Variants in UPP2 observed in about 807,000 individuals in gnomAD.
UPP2 encodes the protein UPase 2.
In UPP2, 23 loss-of-function variants were observed where a neutral mutation model predicts 26.7. That is an observed-to-expected ratio of 0.86 (90% CI 0.62 to 1.22). UPP2 has a LOEUF of 1.22. Among genes scored for constraint, UPP2 ranks in the 50% most tolerant of loss-of-function variants. The pLI, the probability that UPP2 is intolerant of heterozygous loss-of-function variation, is 0.00. For synonymous variants in UPP2, 127 were observed against 141.3 expected, an observed-to-expected ratio of 0.90 and a Z score of 0.72; for missense variants, 387 against 396.7, an observed-to-expected ratio of 0.98 and a Z score of 0.21.
intron 3 of UPP2, among the ~76,000 whole-genome samples, chr2:158,039,606 CA>C (rs1684056871): frequency 6.6e-6 from 1 of 152,170 alleles, no homozygotes; most frequent in African/African-American, 2.4e-5. Flanking sequence ...CTCAGTGTCC[CA>C]ACTAAGGCTT....
chr2:158,029,745 G>C (rs934536041), intron 3 of UPP2, among the ~76,000 whole-genome samples: 1 of 150,292 alleles, frequency 6.7e-6, no homozygotes, highest in Non-Finnish European at 1.5e-5. Flanking sequence ...ATAAATAGAG[G>C]TATTATTCAA....
At chr2:158,051,157 ATGTGTGTGTGTGTGTGTGTGTGTGTGTG>A (rs57745839) in intron 3 of UPP2, among the ~76,000 whole-genome samples, 352 of 145,078 alleles carry the variant, frequency 2.4e-3, no homozygotes, top group African/African-American at 7.2e-3. Flanking sequence ...CTCTAGGAAT[ATGTGTGTGTGTGTGTGTGTGTGTGTGTG>A]TGTGTGTGTG....
At chr2:158,067,370 C>CA (rs113444405) in intron 3 of UPP2, among the ~76,000 whole-genome samples, 6,658 of 108,702 alleles carry the variant, frequency 0.061, 320 homozygotes, top group African/African-American at 0.14. Context: ...CATTTATCAT[C>CA]AAAAAAAAAA....
chr2:158,028,002 A>G (rs1331740437), intron 3 of UPP2, among the ~76,000 whole-genome samples: 1 of 152,158 alleles, frequency 6.6e-6, no homozygotes, highest in African/African-American at 2.4e-5. Flanking sequence ...AGGCCCACGA[A>G]ACCATTTTCT....
chr2:158,133,561 AAT>A (rs1683868825), intron 6 of UPP2: 1 of 152,192 alleles, frequency 6.6e-6, no homozygotes, highest in Non-Finnish European at 1.5e-5. Flanking sequence ...TAGATATGTG[AAT>A]TAGGCTAATT....
intron 2 of UPP2, among the ~76,000 whole-genome samples, chr2:158,015,488 G>A (rs1235302223): frequency 6.6e-6 from 1 of 152,134 alleles, no homozygotes; most frequent in East Asian, 1.9e-4. Flanking sequence ...TTCATCTGTT[G>A]TTGGATATCT....
At chr2:158,118,032 G>T (rs1332817669) in intron 4 of UPP2, 94 bp downstream of exon 4, 4 of 1,002,546 alleles carry the variant, frequency 4.0e-6, no homozygotes, top group Non-Finnish European at 6.1e-6. Context: ...CCCAGCAAAA[G>T]CCCAGATGGG....
At chr2:158,089,675 T>C (rs932863103) in intron 3 of UPP2, among the ~76,000 whole-genome samples, 1 of 152,232 alleles carries the variant, frequency 6.6e-6, no homozygotes, top group African/African-American at 2.4e-5. Flanking sequence ...CACAGGGCTC[T>C]TCTCGCTGCT....
At chr2:158,107,745 CCT>C (rs1407152124) in intron 2 of UPP2, among the ~76,000 whole-genome samples, 1 of 152,042 alleles carries the variant, frequency 6.6e-6, no homozygotes, top group Non-Finnish European at 1.5e-5. Context: ...TCTCCTGCTC[CCT>C]CTCTCCTAGG....
At chr2:158,103,480 A>G (rs1016769774) in intron 1 of UPP2, among the ~76,000 whole-genome samples, 1 of 152,134 alleles carries the variant, frequency 6.6e-6, no homozygotes, top group African/African-American at 2.4e-5. Context: ...TCTAGGGATA[A>G]GTACTCTTTA....
At chr2:158,121,348 T>C in intron 4 of UPP2, 61 bp from the exon 5 acceptor site, 1 of 1,440,794 alleles carries the variant, frequency 6.9e-7, no homozygotes, top group Middle Eastern at 1.7e-4. Context: ...AGTTACATAC[T>C]ATGTGTCAAA....
intron 3 of UPP2, among the ~76,000 whole-genome samples, chr2:158,040,477 A>T (rs985634652): frequency 6.6e-5 from 10 of 152,194 alleles, no homozygotes; most frequent in Non-Finnish European, 1.2e-4. Context: ...GTGCTGGATA[A>T]ATTTAGGTTT....
intron 3 of UPP2, among the ~76,000 whole-genome samples, chr2:158,045,027 A>G (rs78849664): frequency 0.036 from 5,475 of 152,282 alleles, 310 homozygotes; most frequent in African/African-American, 0.12. Context: ...TATTCTTTGC[A>G]ATTTTCCACC....
At chr2:158,036,498 T>C (rs1347884662) in intron 3 of UPP2, among the ~76,000 whole-genome samples, 2 of 152,188 alleles carry the variant, frequency 1.3e-5, no homozygotes, top group Admixed American at 6.5e-5. Context: ...GCCTATTGTG[T>C]GCCATGAAAG....
intron 2 of UPP2, among the ~76,000 whole-genome samples, chr2:158,008,209 G>A (rs990664863): frequency 3.3e-5 from 5 of 152,052 alleles, no homozygotes; most frequent in East Asian, 3.9e-4. Context: ...AAATATATTC[G>A]TTCATGAAAC....
At chr2:158,065,309 A>G (rs1336249138) in intron 3 of UPP2, among the ~76,000 whole-genome samples, 6 of 152,202 alleles carry the variant, frequency 3.9e-5, no homozygotes, top group Non-Finnish European at 7.3e-5. Flanking sequence ...TCTGACCTAG[A>G]TAGGGTAAAC....
chr2:158,040,140 G>A (rs887377987), intron 3 of UPP2, among the ~76,000 whole-genome samples: 21 of 152,176 alleles, frequency 1.4e-4, no homozygotes, highest in Admixed American at 8.5e-4. Flanking sequence ...CTTCTCCAAC[G>A]TCCTTTTGCA....
intron 2 of UPP2, chr2:158,015,651 AG>A (rs1354975269): frequency 7.8e-6 from 3 of 383,168 alleles, no homozygotes; most frequent in Non-Finnish European, 1.6e-5. Flanking sequence ...GTGTCAGGGG[AG>A]GGGCCTGGCG....
At chr2:158,110,823 G>A (rs1283143764) in intron 2 of UPP2, among the ~76,000 whole-genome samples, 1 of 152,162 alleles carries the variant, frequency 6.6e-6, no homozygotes, top group Admixed American at 6.5e-5. Context: ...CTTTTGAGAA[G>A]TGTCTGTTCA....
Sources: allele counts gnomAD v4.1 joint callset (sites outside exome capture counted in the v4.1 genomes callset), GRCh38; gene constraint gnomAD v4.1.1; transcripts MANE v1.5; gene names NCBI Gene and HGNC (gene_info 2026-07-23, HGNC 2026-07-21).